Variants in NALF1 observed in about 807,000 individuals in gnomAD.
NALF1 encodes NALCN channel auxiliary factor 1.
In NALF1, 3 loss-of-function variants were observed where a neutral mutation model predicts 48.4. That is an observed-to-expected ratio of 0.06 (90% CI 0.03 to 0.16). The LOEUF (loss-of-function observed/expected upper bound fraction) is 0.16, where lower values mean the gene tolerates loss of function less well. NALF1 is among the 10% of genes least tolerant of loss of function. The pLI is 1.00. For synonymous variants in NALF1, 262 were observed against 245.7 expected, an observed-to-expected ratio of 1.07 and a Z score of -0.62; for missense variants, 526 against 571.5, an observed-to-expected ratio of 0.92 and a Z score of 0.81.
intron 1 of NALF1, among the ~76,000 whole-genome samples, chr13:107,751,113 G>A (rs917195680): frequency 2.0e-5 from 3 of 152,308 alleles, no homozygotes; most frequent in Non-Finnish European, 2.9e-5. Flanking sequence ...AAACTAAGGA[G>A]GAAAAGCTGC....
intron 1 of NALF1, among the ~76,000 whole-genome samples, chr13:107,225,793 G>C (rs1241090565): frequency 2.6e-5 from 4 of 152,004 alleles, no homozygotes; most frequent in Non-Finnish European, 5.9e-5. Flanking sequence ...CCTGAATTCT[G>C]ATTGCCATAC....
chr13:107,587,030 G>A (rs1019798052), intron 1 of NALF1, among the ~76,000 whole-genome samples: 3 of 151,880 alleles, frequency 2.0e-5, no homozygotes, highest in Non-Finnish European at 4.4e-5. Context: ...ACTCAGTTTT[G>A]GACCTTTACT....
At chr13:107,306,675 CCAT>C (rs879691886) in intron 1 of NALF1, among the ~76,000 whole-genome samples, 1 of 152,092 alleles carries the variant, frequency 6.6e-6, no homozygotes, top group African/African-American at 2.4e-5. Flanking sequence ...TGCCAAAGTA[CCAT>C]GTCAGCCAGG....
intron 1 of NALF1, among the ~76,000 whole-genome samples, chr13:107,839,023 G>C (rs1199881841): frequency 6.6e-6 from 1 of 152,070 alleles, no homozygotes; most frequent in African/African-American, 2.4e-5. Context: ...CTGTGTTTGA[G>C]TCCATATCTT....
chr13:107,361,391 T>C (rs1249616663), intron 1 of NALF1, among the ~76,000 whole-genome samples: 2 of 151,878 alleles, frequency 1.3e-5, no homozygotes, highest in Non-Finnish European at 2.9e-5. Flanking sequence ...TGCTGGTGAG[T>C]AGTGAAAGAC....
intron 1 of NALF1, among the ~76,000 whole-genome samples, chr13:107,858,255 T>G (rs1010394072): frequency 6.6e-6 from 1 of 152,218 alleles, no homozygotes; most frequent in African/African-American, 2.4e-5. Flanking sequence ...TATGGCAAAA[T>G]TCGTAATAAT....
rs1443099923 is a variant in NALF1 at position 107,362,404 on chromosome 13, GA to G, written c.916-151650del. ...GACCATGCTTCCTCTGAAACCTGTA[GA>G]GTAGCATCTTCGCTTGCCTCCTCCT... On this transcript the variant is annotated intron_variant, in intron 1 of 2. Coordinates refer to ENST00000375915, the MANE Select transcript of NALF1 (RefSeq NM_001080396.3). This position sits in a 1 kb window ranked among gnomAD's most constrained non-coding sequence, Gnocchi z 4.6. Among the ~76,000 whole-genome samples the G allele has an allele frequency of 3.9e-5, 6 of 152,150 alleles. No homozygotes were observed. Among genetic ancestry groups the G allele is most frequent in the Non-Finnish European group, 7.3e-5 (5 of 68,034 alleles).
At chr13:107,386,208 C>T (rs1883528379) in intron 1 of NALF1, among the ~76,000 whole-genome samples, 2 of 152,158 alleles carry the variant, frequency 1.3e-5, no homozygotes, top group Admixed American at 1.3e-4. Flanking sequence ...TCAAAGATAT[C>T]ATCATTCAGA....
At chr13:107,762,635 G>A (rs552783720) in intron 1 of NALF1, among the ~76,000 whole-genome samples, 1 of 152,186 alleles carries the variant, frequency 6.6e-6, no homozygotes, top group Non-Finnish European at 1.5e-5. Context: ...TCAGTTCAAG[G>A]AAGTTTAGGA....
chr13:107,675,424 G>C (rs1008533688), intron 1 of NALF1, among the ~76,000 whole-genome samples: 1 of 152,178 alleles, frequency 6.6e-6, no homozygotes, highest in Non-Finnish European at 1.5e-5. Context: ...GGATGGGGGG[G>C]AAGGGAGGAA....
intron 1 of NALF1, among the ~76,000 whole-genome samples, chr13:107,259,037 T>A (rs995189378): frequency 4.6e-5 from 7 of 152,058 alleles, no homozygotes; most frequent in African/African-American, 1.7e-4. Context: ...TTGTCACATG[T>A]TTAAGGAAAT....
intron 1 of NALF1, among the ~76,000 whole-genome samples, chr13:107,364,795 G>C (rs1883123036): frequency 1.5e-5 from 1 of 66,058 alleles, no homozygotes; most frequent in Admixed American, 1.3e-4. Context: ...CTGACAACCT[G>C]ACCTAGGATA....
chr13:107,542,751 T>C (rs1877031463), intron 1 of NALF1, among the ~76,000 whole-genome samples: 1 of 152,158 alleles, frequency 6.6e-6, no homozygotes, highest in Non-Finnish European at 1.5e-5. Context: ...GATAATTCCA[T>C]ATGGCTACTC....
chr13:107,734,570 T>C lies in NALF1; in HGVS notation c.915+131112A>G, dbSNP rs187515143. On this transcript the variant is annotated intron_variant, in intron 1 of 2. Transcript: ENST00000375915. Reference sequence around the variant, plus strand: ...TTTAAAGCCGTGGTACATAGTAAAATCTGTGGCATAATGGAAACAAGTTTT... The same window carrying C: ...TTTAAAGCCGTGGTACATAGTAAAACCTGTGGCATAATGGAAACAAGTTTT... Among the ~76,000 whole-genome samples, 6 of 152,224 alleles carry C rather than the reference T, an allele frequency of 3.9e-5. No homozygotes were observed. The East Asian group carries it at 1.2e-3, about 29-fold the overall frequency.
At chr13:107,797,732 CATTTA>C (rs1443394604) in intron 1 of NALF1, among the ~76,000 whole-genome samples, 2 of 151,562 alleles carry the variant, frequency 1.3e-5, no homozygotes, top group East Asian at 1.9e-4. Context: ...AGATAAATTT[CATTTA>C]ATTTATTTTC....
chr13:107,288,970 C>G (rs1271776636), intron 1 of NALF1, among the ~76,000 whole-genome samples: 1 of 150,836 alleles, frequency 6.6e-6, no homozygotes, highest in African/African-American at 2.4e-5. Context: ...ATAAGACAAG[C>G]AGACACATCA....
chr13:107,263,245 AACAGACACAC>A (rs1276622133), intron 1 of NALF1, among the ~76,000 whole-genome samples: 4 of 84,796 alleles, frequency 4.7e-5, no homozygotes, highest in Non-Finnish European at 9.9e-5. Context: ...ACAAAATGCT[AACAGACACAC>A]ACACACACAC....
chr13:107,765,105 A>C (rs1877386352), intron 1 of NALF1, among the ~76,000 whole-genome samples: 1 of 152,164 alleles, frequency 6.6e-6, no homozygotes, highest in South Asian at 2.1e-4. Context: ...GATCGTTACA[A>C]CTGAATGGAA....
intron 1 of NALF1, among the ~76,000 whole-genome samples, chr13:107,385,685 G>A (rs907787625): frequency 6.6e-6 from 1 of 152,014 alleles, no homozygotes; most frequent in South Asian, 2.1e-4. Flanking sequence ...CAAGGTATGC[G>A]GCTATTTGAA....
Sources: gnomAD v4.1 joint callset for allele counts (sites outside exome capture counted in the v4.1 genomes callset) on GRCh38, gnomAD v4.1.1 for gene constraint, Gnocchi (gnomAD v3.1) non-coding constraint, MANE v1.5 for transcripts, NCBI Gene and HGNC (gene_info 2026-07-23, HGNC 2026-07-21) for gene names.